OBSL1: variants seen among roughly 807,000 people sequenced by gnomAD.
The protein encoded by OBSL1 is obscurin-like protein 1.
OBSL1 carries 160 observed loss-of-function variants against 172.0 expected under a neutral mutation model. That is an observed-to-expected ratio of 0.93 (90% confidence interval 0.82 to 1.06). The LOEUF (loss-of-function observed/expected upper bound fraction) is 1.06, where lower values mean the gene tolerates loss of function less well. Among genes scored for constraint, OBSL1 ranks in the 50% least tolerant of loss-of-function variants. OBSL1 has a pLI of 0.00. For missense variants in OBSL1, 2,681 were observed against 2,715.4 expected, an observed-to-expected ratio of 0.99 and a Z score of 0.28; for synonymous variants, 1,200 against 1,196.3, an observed-to-expected ratio of 1.00 and a Z score of -0.06.
At chr2:219,562,075 G>A (rs1039464078) in intron 8 of OBSL1, 1 of 706,608 alleles carries the variant, frequency 1.4e-6, no homozygotes, top group African/African-American at 1.7e-5. Flanking sequence ...TGCGACCCCT[G>A]GTTAACAGCT....
chr2:219,561,825 A>C, intron 8 of OBSL1: 1 of 714,626 alleles, frequency 1.4e-6, no homozygotes, highest in Non-Finnish European at 2.6e-6. Context: ...GGAGAGGCAA[A>C]AAGCAATGGC....
downstream of OBSL1, chr2:219,547,769 G>A (rs746935065): frequency 6.3e-7 from 1 of 1,594,482 alleles, no homozygotes; most frequent in Non-Finnish European, 8.5e-7. Flanking sequence ...CTACCAGCCA[G>A]GCTCCGTGTG....
intron 15 of OBSL1, among the ~76,000 whole-genome samples, chr2:219,554,066 G>T (rs1252409815): frequency 2.6e-5 from 4 of 152,114 alleles, no homozygotes; most frequent in Non-Finnish European, 4.4e-5. Context: ...GTCGCCCGTA[G>T]GCAGTCAGTG....
chr2:219,569,075 C>CAAA (rs34533377), intron 1 of OBSL1: 2,224 of 142,166 alleles, frequency 0.016, 60 homozygotes, highest in African/African-American at 0.054. Flanking sequence ...AAGTGTATTT[C>CAAA]AAAAAAAAAA....
chr2:219,568,398 G>T lies in OBSL1; in HGVS notation c.1013-74C>A. On this transcript the variant is annotated intron_variant, in intron 1 of 20. Transcript: ENST00000404537. This position sits in a 1 kb window ranked among gnomAD's most constrained non-coding sequence, Gnocchi z 4.1. ...GACTAGGAGTAGGATACCTAGAAGC[G>T]CATTAGCTCATGCTGTGTGCTCTTC... 2 of 1,375,550 alleles carry T rather than the reference G, an allele frequency of 1.5e-6. No homozygotes were observed. The highest frequency in any genetic ancestry group is 2.2e-4 in the Middle Eastern group (1 of 4,622). 85.2% of individuals were successfully genotyped at this position (1,375,550 alleles called of 1,614,324 possible).
Position 219,556,625 on chromosome 2 carries a change from C to T in OBSL1, c.4165G>A (p.Asp1389Asn), listed in dbSNP as rs201415998. The change falls in exon 13 of 21, where the codon GAT becomes AAT. Residue 1389 changes from aspartate to asparagine, a missense_variant. This residue lies in a region of OBSL1 where 1,765 missense variants were observed against 1,748.3 expected (regional missense o/e 1.01). Transcript: ENST00000404537. Reference protein sequence around the residue: ...FRCEVSPPDADVTWLRNGAVV... With the variant: ...FRCEVSPPDANVTWLRNGAVV... Reference sequence around the variant, plus strand: ...GCCCCATTGCGCAGCCAGGTGACATCGGCATCTGGTGGGGAGACTTCACAC... The same window carrying T: ...GCCCCATTGCGCAGCCAGGTGACATTGGCATCTGGTGGGGAGACTTCACAC... The T allele has an allele frequency of 1.9e-5, 30 of 1,613,994 alleles. No homozygotes were observed. The African/African-American group carries it at 2.0e-4, about 11-fold the overall frequency.
At chr2:219,565,898 C>T (rs1458583185) in intron 5 of OBSL1, among the ~76,000 whole-genome samples, 1 of 152,182 alleles carries the variant, frequency 6.6e-6, no homozygotes, top group Admixed American at 6.5e-5. Context: ...CCGACAGATT[C>T]CTTGATTGGT....
chr2:219,554,592 G>A lies in OBSL1; in HGVS notation c.4758C>T (p.His1586=). Residue 1586 remains histidine, a synonymous_variant, in exon 15 of 21, where the codon CAC becomes CAT. Transcript: ENST00000404537. The part of the protein sequence containing the change: ...GVQLYPGPKC[H]IHSDGHRHRL... Reference sequence around the variant, plus strand: ...GGTGACGGTGGCCGTCCGAGTGGATGTGACACTTGGGTCCTGGATACAGCT... The same window carrying A: ...GGTGACGGTGGCCGTCCGAGTGGATATGACACTTGGGTCCTGGATACAGCT... The A allele has an allele frequency of 6.2e-7, 1 of 1,613,300 alleles. No homozygotes were observed. The highest frequency in any genetic ancestry group is 8.5e-7 in the Non-Finnish European group (1 of 1,179,806).
intron 5 of OBSL1, 78 bp from the exon 6 acceptor site, chr2:219,565,592 C>A: frequency 7.0e-7 from 1 of 1,437,390 alleles, no homozygotes; most frequent in Non-Finnish European, 9.5e-7. Context: ...GAGGGAACAA[C>A]TGCTGTTGTT....
chr2:219,553,715 G>A (rs754358473), intron 15 of OBSL1, 29 bp from the exon 16 acceptor site: 34 of 1,535,570 alleles, frequency 2.2e-5, no homozygotes, highest in Non-Finnish European at 2.8e-5. Flanking sequence ...GGACAGTGCA[G>A]AGGGAGCAGG....
At position 219,558,368 on chromosome 2, in the gene OBSL1, G is replaced by T. The variant is rs1432245876; in HGVS notation, c.3318C>A (p.Ala1106=). Residue 1106 remains alanine (A), a synonymous_variant, in exon 10 of 21, where the codon GCC becomes GCA. Coordinates refer to ENST00000404537, the MANE Select transcript of OBSL1 (RefSeq NM_015311.3). The part of the protein sequence containing the change: ...PGRVELRCEV[A]PAGSQVRWYK... ...ACCAGCGCACCTGAGACCCAGCTGG[G>T]GCCACCTCACAGCGCAGCTCCACGC... 6.2e-7 allele frequency: 1 copy of T among 1,611,660 alleles called. No homozygotes were observed. Among genetic ancestry groups the T allele is most frequent in the Non-Finnish European group, 8.5e-7 (1 of 1,179,404 alleles).
downstream of OBSL1, chr2:219,549,032 AG>A (rs769177052): frequency 1.0e-5 from 11 of 1,065,902 alleles, no homozygotes; most frequent in Admixed American, 2.0e-5. Flanking sequence ...GGTGGGAGTA[AG>A]GGGTTATGGA....
At chr2:219,556,968 C>T (rs1696058891) in intron 12 of OBSL1, 3 of 524,874 alleles carry the variant, frequency 5.7e-6, no homozygotes, top group Admixed American at 3.4e-5. Context: ...ATATCAATTA[C>T]CAGGGACCCT....
chr2:219,548,972 C>A, downstream of OBSL1: 1 of 640,320 alleles, frequency 1.6e-6, no homozygotes, highest in Non-Finnish European at 2.7e-6. Flanking sequence ...AAAAGAACAA[C>A]AGCGGGAAGT....
At chr2:219,554,344 G>T in intron 15 of OBSL1, 130 bp downstream of exon 15, 1 of 1,100,946 alleles carries the variant, frequency 9.1e-7, no homozygotes, top group Non-Finnish European at 1.3e-6. Context: ...CTCTGGCAGG[G>T]ATGTCAATGA....
intron 13 of OBSL1, 22 bp from the exon 14 acceptor site, chr2:219,556,314 A>T (rs200147035): frequency 1.9e-6 from 3 of 1,570,996 alleles, no homozygotes; most frequent in Middle Eastern, 3.8e-4. Context: ...GAAGGAGGCC[A>T]TGGAGTCTGG....
downstream of OBSL1, chr2:219,547,553 G>T: frequency 6.8e-7 from 1 of 1,462,022 alleles, no homozygotes; most frequent in Non-Finnish European, 9.1e-7. Context: ...GTTGCTGTTT[G>T]GCTCGGTGGT....
In OBSL1 at chr2:219,567,494, T is replaced by A. The variant is rs758264924; in HGVS notation, c.1616A>T (p.Lys539Met). 4 of 1,613,434 alleles carry A rather than the reference T, an allele frequency of 2.5e-6. No individual in the cohort carries two copies. Among genetic ancestry groups the A allele is most frequent in the Non-Finnish European group, 3.4e-6 (4 of 1,179,754 alleles). The stretch of plus-strand genomic sequence containing the variant: ...GGTCTCGGGAGCTGGCTCGGGAGGC[T>A]TCCAGGTCAACAGGACCGTGTTCTT... The part of the protein sequence containing the change: ...GHKNTVLLTW[K>M]PPEPAPETPF... Residue 539 changes from lysine (K) to methionine (M), a missense_variant, in exon 4 of 21, where the codon AAG becomes ATG. Physicochemically the swap from Lys to Met is moderately conservative, Grantham distance 95. Transcript: ENST00000404537.
chr2:219,550,979 G>A, intron 20 of OBSL1, 137 bp from the exon 21 acceptor site: 1 of 1,519,354 alleles, frequency 6.6e-7, no homozygotes. Flanking sequence ...CCTTGGTTAG[G>A]GCTGTCTTGG....
Sources: gnomAD v4.1 joint callset for allele counts (sites outside exome capture counted in the v4.1 genomes callset) on GRCh38, gnomAD v4.1.1 for gene constraint, gnomAD v4.1.1 regional missense constraint, Gnocchi (gnomAD v3.1) non-coding constraint, MANE v1.5 for transcripts, NCBI Gene and HGNC (gene_info 2026-07-23, HGNC 2026-07-21) for gene names.